The following SLC14A2 variants were observed in gnomAD, a reference collection of about 807,000 sequenced individuals.
SLC14A2 encodes the protein solute carrier family 14 member 2, also known as urea transporter 2.
SLC14A2 carries 91 observed loss-of-function variants against 104.6 expected under a neutral mutation model. That is an observed-to-expected ratio of 0.87 (90% CI 0.73 to 1.04). The LOEUF is 1.04. Among genes scored for constraint, SLC14A2 ranks in the 50% least tolerant of loss-of-function variants. The probability of loss-of-function intolerance (pLI) is 0.00; values close to 1 mark genes in which losing one functional copy is unlikely to be tolerated. For synonymous variants in SLC14A2, 476 were observed against 466.4 expected (o/e 1.02, Z -0.27); for missense variants, 1,189 against 1,156.0 (o/e 1.03, Z -0.41).
At chr18:45,356,244 C>G (rs1179953663) in intron 1 of SLC14A2, among the ~76,000 whole-genome samples, 5 of 152,164 alleles carry the variant, frequency 3.3e-5, no homozygotes, top group African/African-American at 4.8e-5. Flanking sequence ...ATCTGTACAA[C>G]AGGACTGACA....
At chr18:45,504,679 A>G (rs1479225643) in intron 2 of SLC14A2, among the ~76,000 whole-genome samples, 1 of 152,250 alleles carries the variant, frequency 6.6e-6, no homozygotes, top group East Asian at 1.9e-4. Context: ...TGCATTACCC[A>G]GTGGATACCT....
the SLC14A2 span, among the ~76,000 whole-genome samples, chr18:45,190,909 T>A: frequency 0.24 from 36,309 of 152,162 alleles, 4,597 homozygotes; most frequent in Non-Finnish European, 0.3. Context: ...AATTTTCTGC[T>A]ACTCCATGAG....
At chr18:45,517,049 A>G (rs2043450838) in intron 2 of SLC14A2, among the ~76,000 whole-genome samples, 1 of 152,212 alleles carries the variant, frequency 6.6e-6, no homozygotes. Flanking sequence ...GGGCACAAGG[A>G]CACAGAGGTG....
chr18:45,529,396 A>G (rs777137319), intron 2 of SLC14A2: 3 of 152,214 alleles, frequency 2.0e-5, no homozygotes, highest in Non-Finnish European at 4.4e-5. Context: ...GGAATCCAAG[A>G]GACAGAAGTT....
chr18:45,311,095 C>T (rs753196465), intron 1 of SLC14A2, among the ~76,000 whole-genome samples: 2 of 152,092 alleles, frequency 1.3e-5, no homozygotes, highest in Non-Finnish European at 2.9e-5. Flanking sequence ...TCCAGTCAGC[C>T]AGCAAGAACA....
At chr18:45,438,097 T>C (rs1033657909) in intron 1 of SLC14A2, 47 of 152,192 alleles carry the variant, frequency 3.1e-4, no homozygotes, top group African/African-American at 1.1e-3. Context: ...CTCAACGACA[T>C]GGAGAGGCAA....
intron 1 of SLC14A2, among the ~76,000 whole-genome samples, chr18:45,417,858 C>A (rs1019913242): frequency 6.6e-6 from 1 of 152,080 alleles, no homozygotes; most frequent in African/African-American, 2.4e-5. Flanking sequence ...GAGGAAAGGA[C>A]TTTTTTAAGT....
At chr18:45,590,155 A>G (rs1032123227) in intron 2 of SLC14A2, among the ~76,000 whole-genome samples, 2 of 152,168 alleles carry the variant, frequency 1.3e-5, no homozygotes, top group African/African-American at 4.8e-5. Flanking sequence ...GCAGAGAGAG[A>G]AAGAGGGAGT....
intron 1 of SLC14A2, among the ~76,000 whole-genome samples, chr18:45,442,718 G>GA (rs1315565476): frequency 2.0e-5 from 3 of 151,704 alleles, no homozygotes; most frequent in Non-Finnish European, 4.4e-5. Flanking sequence ...AGGCTTGTCA[G>GA]AAAAAAAAGT....
intron 2 of SLC14A2, among the ~76,000 whole-genome samples, chr18:45,515,017 T>A (rs1233731138): frequency 6.6e-6 from 1 of 152,190 alleles, no homozygotes; most frequent in Non-Finnish European, 1.5e-5. Flanking sequence ...CCATGAAGCA[T>A]CCTGACAGCA....
intron 1 of SLC14A2, among the ~76,000 whole-genome samples, chr18:45,302,990 G>T (rs1264167919): frequency 6.6e-6 from 1 of 152,038 alleles, no homozygotes; most frequent in Non-Finnish European, 1.5e-5. Context: ...TTAGGTTGTG[G>T]TTGATCAAGG....
intron 1 of SLC14A2, among the ~76,000 whole-genome samples, chr18:45,264,151 G>A (rs1202457036): frequency 6.6e-6 from 1 of 152,116 alleles, no homozygotes; most frequent in Non-Finnish European, 1.5e-5. Context: ...CTAACTATCA[G>A]ATATCAGTTC....
chr18:45,352,224 T>A (rs1332208810), intron 1 of SLC14A2, among the ~76,000 whole-genome samples: 1 of 152,130 alleles, frequency 6.6e-6, no homozygotes, highest in Non-Finnish European at 1.5e-5. Flanking sequence ...AGTTGAGTCC[T>A]GTGTAAATTT....
intron 8 of SLC14A2, among the ~76,000 whole-genome samples, chr18:45,642,544 G>A (rs35889005): frequency 0.4 from 61,246 of 152,072 alleles, 13,802 homozygotes; most frequent in Middle Eastern, 0.6. Context: ...GCAGGCAGAA[G>A]GAGTTTGTCC....
chr18:45,194,893 C>T, the SLC14A2 span, among the ~76,000 whole-genome samples: 7 of 152,100 alleles, frequency 4.6e-5, no homozygotes, highest in Non-Finnish European at 8.8e-5. Flanking sequence ...ATCTGCCTGC[C>T]TCAGCCTCCC....
At chr18:45,254,532 A>T (rs1378216299) in intron 1 of SLC14A2, among the ~76,000 whole-genome samples, 3 of 152,232 alleles carry the variant, frequency 2.0e-5, no homozygotes, top group African/African-American at 7.2e-5. Flanking sequence ...AATTTGGTGA[A>T]GATTTTTGCT....
At chr18:45,448,746 G>A (rs1352338186) in intron 1 of SLC14A2, among the ~76,000 whole-genome samples, 1 of 152,130 alleles carries the variant, frequency 6.6e-6, no homozygotes, top group African/African-American at 2.4e-5. Flanking sequence ...CTTCATTCAT[G>A]TATTTATTTT....
intron 2 of SLC14A2, among the ~76,000 whole-genome samples, chr18:45,580,103 G>C (rs182627773): frequency 6.6e-6 from 1 of 152,172 alleles, no homozygotes; most frequent in African/African-American, 2.4e-5. Context: ...CTTACGCAAA[G>C]CCACGAGATC....
At chr18:45,543,326 G>GA (rs1389384126) in intron 2 of SLC14A2, among the ~76,000 whole-genome samples, 1 of 150,990 alleles carries the variant, frequency 6.6e-6, no homozygotes, top group Non-Finnish European at 1.5e-5. Flanking sequence ...GGTTTTAAGG[G>GA]AAAAAAAATA....
Sources: allele counts gnomAD v4.1 joint callset (sites outside exome capture counted in the v4.1 genomes callset), GRCh38; gene constraint gnomAD v4.1.1; transcripts MANE v1.5; gene names NCBI Gene and HGNC (gene_info 2026-07-23, HGNC 2026-07-21).